Variants in SLC24A3 observed in about 807,000 individuals in gnomAD.
SLC24A3 encodes sodium/potassium/calcium exchanger 3.
A neutral mutation model predicts 75.8 loss-of-function variants in SLC24A3; 28 were observed. The ratio of observed to expected loss-of-function variants is 0.37; its 90% CI spans 0.27 to 0.51. The LOEUF (loss-of-function observed/expected upper bound fraction) is 0.51. Among genes scored for constraint, SLC24A3 ranks in the 20% least tolerant of loss-of-function variants. SLC24A3 has a pLI of 0.94. For missense variants in SLC24A3, 663 were observed against 847.8 expected (o/e 0.78, Z 2.71); for synonymous variants, 372 against 334.1 (o/e 1.11, Z -1.24).
intron 2 of SLC24A3, among the ~76,000 whole-genome samples, chr20:19,406,604 A>G (rs919899479): frequency 2.6e-5 from 4 of 152,218 alleles, no homozygotes; most frequent in African/African-American, 9.6e-5. Flanking sequence ...ATTTATTGCA[A>G]TACAGAGTGA....
intron 2 of SLC24A3, among the ~76,000 whole-genome samples, chr20:19,380,202 T>A (rs1986157021): frequency 6.6e-6 from 1 of 152,194 alleles, no homozygotes; most frequent in Non-Finnish European, 1.5e-5. Flanking sequence ...ACACTGGGTC[T>A]GGAATCTACA....
At chr20:19,371,798 T>G (rs957464174) in intron 2 of SLC24A3, among the ~76,000 whole-genome samples, 1 of 152,174 alleles carries the variant, frequency 6.6e-6, no homozygotes, top group African/African-American at 2.4e-5. Context: ...CGTACAGGTC[T>G]ATTCAAACCT....
chr20:19,316,840 C>G (rs1313831877), intron 2 of SLC24A3, among the ~76,000 whole-genome samples: 2 of 152,118 alleles, frequency 1.3e-5, no homozygotes, highest in African/African-American at 2.4e-5. Context: ...AAATTTCCTA[C>G]TTTTATTTTA....
intron 3 of SLC24A3, among the ~76,000 whole-genome samples, chr20:19,573,725 C>T (rs1158877808): frequency 1.3e-5 from 2 of 152,146 alleles, no homozygotes; most frequent in East Asian, 1.9e-4. Flanking sequence ...CCAAGTTGCA[C>T]GCCGGAAGAT....
At chr20:19,632,383 T>A (rs994372077) in intron 6 of SLC24A3, among the ~76,000 whole-genome samples, 1 of 152,200 alleles carries the variant, frequency 6.6e-6, no homozygotes, top group African/African-American at 2.4e-5. Flanking sequence ...ATCCATTTCT[T>A]TGCTTTTCTC....
At chr20:19,222,666 G>A (rs1206887586) in intron 1 of SLC24A3, among the ~76,000 whole-genome samples, 2 of 152,090 alleles carry the variant, frequency 1.3e-5, no homozygotes, top group African/African-American at 4.8e-5. Flanking sequence ...GAGTAAGGAA[G>A]CACTAAATAA....
At chr20:19,645,086 T>C (rs936472980) in intron 6 of SLC24A3, among the ~76,000 whole-genome samples, 1 of 152,230 alleles carries the variant, frequency 6.6e-6, no homozygotes, top group Non-Finnish European at 1.5e-5. Context: ...TCAGAGTGAA[T>C]GGCTAACTCT....
At chr20:19,552,287 A>G (rs2030709991) in intron 3 of SLC24A3, among the ~76,000 whole-genome samples, 1 of 152,162 alleles carries the variant, frequency 6.6e-6, no homozygotes, top group African/African-American at 2.4e-5. Flanking sequence ...CACATTCCCA[A>G]ATCACCAAGG....
intron 2 of SLC24A3, among the ~76,000 whole-genome samples, chr20:19,499,920 G>A (rs892578262): frequency 6.6e-6 from 1 of 152,184 alleles, no homozygotes; most frequent in East Asian, 1.9e-4. Context: ...GTGCATTTGT[G>A]TGTGTGTGTG....
intron 1 of SLC24A3, among the ~76,000 whole-genome samples, chr20:19,276,324 T>C (rs1751950376): frequency 6.6e-6 from 1 of 152,204 alleles, no homozygotes; most frequent in South Asian, 2.1e-4. Context: ...TGTGAACCTT[T>C]CATGGGGGAT....
At chr20:19,221,207 G>A (rs1981701042) in intron 1 of SLC24A3, among the ~76,000 whole-genome samples, 1 of 152,182 alleles carries the variant, frequency 6.6e-6, no homozygotes, top group Admixed American at 6.5e-5. Context: ...ACAGGTGCGA[G>A]CCCTCACACC....
At chr20:19,507,334 A>T (rs1259195787) in intron 2 of SLC24A3, among the ~76,000 whole-genome samples, 1 of 152,246 alleles carries the variant, frequency 6.6e-6, no homozygotes. Flanking sequence ...GGCTGTAGGG[A>T]TGCCAAGGAG....
chr20:19,628,202 CAAAAAAAAA>C (rs776701707), intron 6 of SLC24A3, among the ~76,000 whole-genome samples: 58 of 51,818 alleles, frequency 1.1e-3, no homozygotes, highest in African/African-American at 1.6e-3. Flanking sequence ...GACTCCATCT[CAAAAAAAAA>C]AAAAAAAAAA....
chr20:19,426,176 A>T (rs1158254499), intron 2 of SLC24A3, among the ~76,000 whole-genome samples: 1 of 152,180 alleles, frequency 6.6e-6, no homozygotes, highest in Non-Finnish European at 1.5e-5. Context: ...ACTTCCTCCC[A>T]TTCCATATCC....
intron 1 of SLC24A3, among the ~76,000 whole-genome samples, chr20:19,264,769 A>T (rs1983110925): frequency 6.7e-6 from 1 of 149,866 alleles, no homozygotes; most frequent in African/African-American, 2.5e-5. Context: ...TGCAGCCTGG[A>T]CTCTGGGGAG....
chr20:19,521,699 C>T (rs964238532), intron 3 of SLC24A3, among the ~76,000 whole-genome samples: 4 of 152,170 alleles, frequency 2.6e-5, no homozygotes, highest in Admixed American at 6.5e-5. Context: ...GTTATTTCTG[C>T]TATTTAATTT....
intron 2 of SLC24A3, among the ~76,000 whole-genome samples, chr20:19,307,744 G>A (rs750353921): frequency 1.3e-5 from 2 of 152,108 alleles, no homozygotes; most frequent in African/African-American, 2.4e-5. Flanking sequence ...TGTTCAGCAC[G>A]TGTATCCCAG....
At chr20:19,612,978 C>T (rs956736159) in intron 6 of SLC24A3, among the ~76,000 whole-genome samples, 1 of 152,214 alleles carries the variant, frequency 6.6e-6, no homozygotes, top group Non-Finnish European at 1.5e-5. Flanking sequence ...GTTTCCCACA[C>T]GGTCCTGCCT....
intron 6 of SLC24A3, among the ~76,000 whole-genome samples, chr20:19,612,928 C>T (rs1267540249): frequency 1.1e-3 from 173 of 152,292 alleles, no homozygotes; most frequent in South Asian, 2.1e-4. Flanking sequence ...TACAGTCCAA[C>T]CCTTCCTCAG....
Sources: allele counts gnomAD v4.1 joint callset (sites outside exome capture counted in the v4.1 genomes callset), GRCh38; gene constraint gnomAD v4.1.1; transcripts MANE v1.5; gene names NCBI Gene and HGNC (gene_info 2026-07-23, HGNC 2026-07-21).